The following CNTN3 variants were observed in gnomAD, a reference collection of about 807,000 sequenced individuals.
The protein encoded by CNTN3 is contactin 3.
A neutral mutation model predicts 119.1 loss-of-function variants in CNTN3; 60 were observed. The ratio of observed to expected loss-of-function variants is 0.50; its 90% CI spans 0.41 to 0.62. CNTN3 has a LOEUF of 0.62. Ranked by LOEUF, CNTN3 falls within the 20% of genes least tolerant of loss-of-function variation. CNTN3 has a pLI of 0.00. For missense variants in CNTN3, 1,101 were observed against 1,242.4 expected (o/e 0.89, Z 1.71); for synonymous variants, 450 against 438.7 (o/e 1.03, Z -0.32).
In CNTN3 at chr3:74,558,182, G is replaced by A. The variant is rs1704099281; in HGVS notation, c.-80-36990C>T. Among the ~76,000 whole-genome samples, 4 of 152,096 alleles carry A rather than the reference G, an allele frequency of 2.6e-5. No homozygotes were observed. In the South Asian group the frequency reaches 8.3e-4, roughly 32 times the overall value. On this transcript the variant is annotated intron_variant, in intron 1 of 22. Transcript: ENST00000263665. Reference sequence around the variant, plus strand: ...GCCTTAAGATGAGACAACTCTGAAGGGTCATTGCAGTCCAGAACCCCCCAT... The same window carrying A: ...GCCTTAAGATGAGACAACTCTGAAGAGTCATTGCAGTCCAGAACCCCCCAT...
chr3:74,602,534 G>C (rs1247822361), intron 1 of CNTN3, among the ~76,000 whole-genome samples: 2 of 151,892 alleles, frequency 1.3e-5, no homozygotes, highest in Non-Finnish European at 2.9e-5. Context: ...GTTTGGTTTA[G>C]TTTTTTGTAC....
At chr3:74,501,376 G>A (rs2107082122) in intron 2 of CNTN3, among the ~76,000 whole-genome samples, 2 of 152,082 alleles carry the variant, frequency 1.3e-5, no homozygotes, top group South Asian at 4.2e-4. Flanking sequence ...TACTCCTTGA[G>A]TATTGTCACA....
At chr3:74,332,544 T>C (rs573025905) in intron 13 of CNTN3, among the ~76,000 whole-genome samples, 3 of 152,238 alleles carry the variant, frequency 2.0e-5, no homozygotes, top group Non-Finnish European at 4.4e-5. Context: ...AATTACATTA[T>C]AAACTCGAAT....
At chr3:74,325,379 A>G (rs1330936845) in intron 13 of CNTN3, among the ~76,000 whole-genome samples, 1 of 152,222 alleles carries the variant, frequency 6.6e-6, no homozygotes, top group Non-Finnish European at 1.5e-5. Context: ...AGAGTCAGTT[A>G]TAATTCCCAA....
chr3:74,536,414 G>A (rs1479511791), intron 1 of CNTN3, among the ~76,000 whole-genome samples: 1 of 152,108 alleles, frequency 6.6e-6, no homozygotes, highest in Non-Finnish European at 1.5e-5. Context: ...ACACTAAAGT[G>A]AAACTGAGAG....
intron 12 of CNTN3, among the ~76,000 whole-genome samples, chr3:74,335,871 A>G (rs1247494827): frequency 6.6e-6 from 1 of 152,108 alleles, no homozygotes; most frequent in Non-Finnish European, 1.5e-5. Context: ...TCTCCTTCTC[A>G]GTGAGGTTTA....
At chr3:74,562,626 C>T (rs922768423) in intron 1 of CNTN3, among the ~76,000 whole-genome samples, 9 of 152,084 alleles carry the variant, frequency 5.9e-5, no homozygotes, top group Admixed American at 3.9e-4. Flanking sequence ...GTTTTTATAT[C>T]TTGGAAACAC....
intron 11 of CNTN3, among the ~76,000 whole-genome samples, chr3:74,339,667 A>T (rs1703483206): frequency 6.6e-6 from 1 of 152,076 alleles, no homozygotes; most frequent in African/African-American, 2.4e-5. Flanking sequence ...TCACCACTAA[A>T]TTTTTAGACC....
chr3:74,367,187 T>C (rs1422602890), intron 8 of CNTN3, among the ~76,000 whole-genome samples: 1 of 152,068 alleles, frequency 6.6e-6, no homozygotes, highest in African/African-American at 2.4e-5. Context: ...TATATTGATG[T>C]TAAATAGAAA....
chr3:74,349,689 T>C (rs1471619378), intron 11 of CNTN3, among the ~76,000 whole-genome samples: 1 of 152,210 alleles, frequency 6.6e-6, no homozygotes, highest in African/African-American at 2.4e-5. Context: ...CATGTAATGA[T>C]ATTGGGCGTT....
intron 11 of CNTN3, among the ~76,000 whole-genome samples, chr3:74,347,723 G>A (rs1703727194): frequency 6.6e-6 from 1 of 152,144 alleles, no homozygotes; most frequent in Non-Finnish European, 1.5e-5. Context: ...CAGAGCACGT[G>A]GTAGGTGTTC....
chr3:74,491,024 G>C (rs900183407), intron 3 of CNTN3, among the ~76,000 whole-genome samples: 3 of 152,044 alleles, frequency 2.0e-5, no homozygotes, highest in African/African-American at 7.2e-5. Flanking sequence ...GAAAATATGT[G>C]AGCTCAAAAG....
At chr3:74,439,403 A>T (rs1271662556) in intron 4 of CNTN3, among the ~76,000 whole-genome samples, 1 of 126,366 alleles carries the variant, frequency 7.9e-6, no homozygotes, top group Non-Finnish European at 1.8e-5. Flanking sequence ...GCTACTCAGG[A>T]GGCTGAGGCA....
chr3:74,510,396 C>T (rs1279803476), intron 2 of CNTN3, among the ~76,000 whole-genome samples: 1 of 152,038 alleles, frequency 6.6e-6, no homozygotes, highest in Non-Finnish European at 1.5e-5. Context: ...ATCTACACCC[C>T]GTGCACACCC....
chr3:74,558,484 T>G (rs560031324), intron 1 of CNTN3, among the ~76,000 whole-genome samples: 1 of 152,186 alleles, frequency 6.6e-6, no homozygotes, highest in African/African-American at 2.4e-5. Context: ...TGCAGAGCCT[T>G]CTTGCTGAAT....
intron 1 of CNTN3, among the ~76,000 whole-genome samples, chr3:74,590,892 T>G (rs969457534): frequency 2.1e-4 from 32 of 152,122 alleles, no homozygotes; most frequent in African/African-American, 7.7e-4. Flanking sequence ...GATATTGGTC[T>G]GCTGCTGCAG....
At chr3:74,569,056 G>T (rs961869109) in intron 1 of CNTN3, among the ~76,000 whole-genome samples, 1 of 152,076 alleles carries the variant, frequency 6.6e-6, no homozygotes, top group Non-Finnish European at 1.5e-5. Context: ...CTTTAAGCCC[G>T]GAGCCATATG....
At chr3:74,321,541 T>C (rs1284603596) in intron 13 of CNTN3, among the ~76,000 whole-genome samples, 1 of 151,126 alleles carries the variant, frequency 6.6e-6, no homozygotes, top group South Asian at 2.1e-4. Flanking sequence ...ATAAAAGGAA[T>C]AAAAAAAATC....
intron 11 of CNTN3, among the ~76,000 whole-genome samples, chr3:74,338,603 T>C (rs1411582227): frequency 6.6e-6 from 1 of 152,126 alleles, no homozygotes; most frequent in Non-Finnish European, 1.5e-5. Context: ...TATTACTTTA[T>C]AGTCCATTAC....
Sources: gnomAD v4.1 joint callset for allele counts (sites outside exome capture counted in the v4.1 genomes callset) on GRCh38, gnomAD v4.1.1 for gene constraint, MANE v1.5 for transcripts, NCBI Gene and HGNC (gene_info 2026-07-23, HGNC 2026-07-21) for gene names.